The following LYPD1 variants were observed in gnomAD, a reference collection of about 807,000 sequenced individuals.
The protein encoded by LYPD1 is ly6/PLAUR domain-containing protein 1.
In LYPD1, 14 loss-of-function variants were observed where a neutral mutation model predicts 14.2. The ratio of observed to expected loss-of-function variants is 0.99; its 90% CI spans 0.65 to 1.54. The LOEUF is 1.54. Ranked by LOEUF, LYPD1 falls within the 40% of genes most tolerant of loss-of-function variation. The probability of loss-of-function intolerance (pLI) is 0.00; values close to 1 mark genes in which losing one functional copy is unlikely to be tolerated. For missense variants in LYPD1, 165 were observed against 175.7 expected (o/e 0.94, Z 0.34); for synonymous variants, 85 against 70.6 (o/e 1.20, Z -1.02).
At chr2:132,668,775 C>T (rs1683445068) in intron 1 of LYPD1, among the ~76,000 whole-genome samples, 1 of 152,156 alleles carries the variant, frequency 6.6e-6, no homozygotes, top group Admixed American at 6.5e-5. Context: ...GCTCTAGACA[C>T]AAAGCGCCCA....
In LYPD1 at chr2:132,669,946, CG is replaced by C; in HGVS notation, c.-15del. Reference sequence around the variant, plus strand: ...TAGGACCCACATTCTCCCGGAGTCCCGGGGCCGGGAGAGGGCAAGCGCATCA... The same window carrying C: ...TAGGACCCACATTCTCCCGGAGTCCCGGGCCGGGAGAGGGCAAGCGCATCA... On this transcript the variant is annotated 5_prime_UTR_variant, in exon 1 of 3. Transcript: ENST00000397463. The surrounding 1 kb of genome is among the most constrained non-coding windows in gnomAD (Gnocchi z 4.3). 1 of 1,611,668 alleles carries C rather than the reference CG, an allele frequency of 6.2e-7. No individual in the cohort carries two copies. The highest frequency in any genetic ancestry group is 8.5e-7 in the Non-Finnish European group (1 of 1,179,178).
chr2:132,647,272 G>A (rs1283310271), intron 2 of LYPD1, among the ~76,000 whole-genome samples: 1 of 152,204 alleles, frequency 6.6e-6, no homozygotes, highest in South Asian at 2.1e-4. Context: ...ACATGAACAG[G>A]AAGTGGAGCA....
chr2:132,651,825 C>T (rs1462914156), intron 2 of LYPD1, among the ~76,000 whole-genome samples: 1 of 152,200 alleles, frequency 6.6e-6, no homozygotes, highest in Non-Finnish European at 1.5e-5. Context: ...GAGTTGCCAT[C>T]TCTAAGTCAT....
In LYPD1 at chr2:132,669,688, TCTC is replaced by T. The variant is rs1219350587; in HGVS notation, c.52+190_52+192del. ...GTCCCGCAAACCCGCCGCTCCCCGCTCTCCTCCTGCAGCGCGGGACTTGGACAC... is the reference window on the plus strand; with the variant it reads ...GTCCCGCAAACCCGCCGCTCCCCGCTCTCCTGCAGCGCGGGACTTGGACAC... On this transcript the variant is annotated intron_variant, in intron 1 of 2. Transcript: ENST00000397463. This position sits in a 1 kb window ranked among gnomAD's most constrained non-coding sequence, Gnocchi z 4.3. 6.6e-6 allele frequency among the ~76,000 whole-genome samples: 1 copy of T among 151,666 alleles called. No individual in the cohort carries two copies. The highest frequency in any genetic ancestry group is 1.5e-5 in the Non-Finnish European group (1 of 67,904).
At chr2:132,651,090 A>G (rs1258179420) in intron 2 of LYPD1, among the ~76,000 whole-genome samples, 1 of 152,236 alleles carries the variant, frequency 6.6e-6, no homozygotes, top group East Asian at 1.9e-4. Flanking sequence ...AAAAAGAGAT[A>G]ATATTGGTTG....
In LYPD1 at chr2:132,651,483, T is replaced by C. The variant is rs1682360232; in HGVS notation, c.191-5203A>G. ...TGTGAGGAAAACAAGGGCCTTGTCA[T>C]GGACTGCTGGTGGGAGCAGAGACTG... is the stretch of plus-strand genomic sequence containing the variant. On this transcript the variant is annotated intron_variant, in intron 2 of 2. Coordinates refer to ENST00000397463, the MANE Select transcript of LYPD1 (RefSeq NM_144586.7). Among the ~76,000 whole-genome samples, 2 of 152,284 alleles carry C rather than the reference T, an allele frequency of 1.3e-5. 1 individual carries two copies. The highest frequency in any genetic ancestry group is 4.1e-4 in the South Asian group (2 of 4,822).
chr2:132,657,188 G>T (rs984898852), intron 2 of LYPD1, among the ~76,000 whole-genome samples: 2 of 152,152 alleles, frequency 1.3e-5, no homozygotes, highest in African/African-American at 4.8e-5. Flanking sequence ...CATAATGTAT[G>T]ATGCCAATTG....
chr2:132,655,422 T>G (rs1167977640), intron 2 of LYPD1, among the ~76,000 whole-genome samples: 1 of 151,846 alleles, frequency 6.6e-6, no homozygotes, highest in Non-Finnish European at 1.5e-5. Flanking sequence ...CATTGGACAC[T>G]CATTAGACCC....
chr2:132,645,872 T>C lies in LYPD1; in HGVS notation c.*173A>G. The C allele has an allele frequency of 1.5e-6, 1 of 659,358 alleles. No individual in the cohort carries two copies. The highest frequency in any genetic ancestry group is 2.5e-6 in the Non-Finnish European group (1 of 395,294). The allele number at this position is 659,358 out of a possible 1,614,324, so 40.8% of individuals were successfully genotyped here. ...GAAAATTCAGTCAGGCTGAATTTATTCAGAATGCTTTACCGAGCTCTTTCA... is the reference window on the plus strand; with the variant it reads ...GAAAATTCAGTCAGGCTGAATTTATCCAGAATGCTTTACCGAGCTCTTTCA... On this transcript the variant is annotated 3_prime_UTR_variant, in exon 3 of 3. Transcript: ENST00000397463.
chr2:132,661,001 G>T (rs1285132734), intron 2 of LYPD1, among the ~76,000 whole-genome samples: 1 of 152,178 alleles, frequency 6.6e-6, no homozygotes, highest in Non-Finnish European at 1.5e-5. Context: ...TTATCAAGAT[G>T]CTTAAGCCCC....
intron 2 of LYPD1, among the ~76,000 whole-genome samples, chr2:132,657,991 C>G (rs1682699346): frequency 6.6e-6 from 1 of 152,170 alleles, no homozygotes; most frequent in African/African-American, 2.4e-5. Flanking sequence ...GGCCATGAGA[C>G]AGTGATCTGA....
intron 2 of LYPD1, among the ~76,000 whole-genome samples, chr2:132,667,416 G>A (rs1683345533): frequency 6.6e-6 from 1 of 152,158 alleles, no homozygotes; most frequent in South Asian, 2.1e-4. Context: ...CCAAGGTGTT[G>A]GCTTTGAAAC....
intron 2 of LYPD1, among the ~76,000 whole-genome samples, chr2:132,659,627 G>A (rs1682811601): frequency 6.6e-6 from 1 of 152,214 alleles, no homozygotes; most frequent in Non-Finnish European, 1.5e-5. Context: ...GCAGCAGTCA[G>A]TGACAGGCTG....
At chr2:132,657,994 T>C (rs1168223946) in intron 2 of LYPD1, among the ~76,000 whole-genome samples, 2 of 152,162 alleles carry the variant, frequency 1.3e-5, no homozygotes, top group African/African-American at 4.8e-5. Context: ...CATGAGACAG[T>C]GATCTGACCC....
At chr2:132,665,180 A>C (rs748784341) in intron 2 of LYPD1, among the ~76,000 whole-genome samples, 3 of 152,236 alleles carry the variant, frequency 2.0e-5, no homozygotes, top group Non-Finnish European at 2.9e-5. Context: ...CCCAATGGAA[A>C]ATTAAATGTA....
At chr2:132,665,496 A>G (rs1427680034) in intron 2 of LYPD1, among the ~76,000 whole-genome samples, 2 of 152,176 alleles carry the variant, frequency 1.3e-5, no homozygotes, top group African/African-American at 4.8e-5. Flanking sequence ...TGGATATGAA[A>G]AATGGCCTAA....
At chr2:132,661,056 A>G (rs1480490691) in intron 2 of LYPD1, among the ~76,000 whole-genome samples, 2 of 152,218 alleles carry the variant, frequency 1.3e-5, no homozygotes, top group African/African-American at 4.8e-5. Flanking sequence ...ACTCCTCTGT[A>G]AAGTGAAAGT....
intron 2 of LYPD1, among the ~76,000 whole-genome samples, chr2:132,658,224 T>C (rs1037470968): frequency 6.6e-6 from 1 of 152,220 alleles, no homozygotes; most frequent in Non-Finnish European, 1.5e-5. Flanking sequence ...TTTGATGACA[T>C]CACTGGGCTG....
intron 2 of LYPD1, among the ~76,000 whole-genome samples, chr2:132,660,039 T>C (rs1224363528): frequency 2.0e-5 from 3 of 152,228 alleles, no homozygotes; most frequent in Non-Finnish European, 4.4e-5. Flanking sequence ...GCAGTATGCA[T>C]GGACCACTGC....
Sources: gnomAD v4.1 joint callset for allele counts (sites outside exome capture counted in the v4.1 genomes callset) on GRCh38, gnomAD v4.1.1 for gene constraint, Gnocchi (gnomAD v3.1) non-coding constraint, MANE v1.5 for transcripts, NCBI Gene and HGNC (gene_info 2026-07-23, HGNC 2026-07-21) for gene names.